The following APBB2 variants were observed in gnomAD, a reference collection of about 807,000 sequenced individuals.
The protein encoded by APBB2 is Fe65-like 1.
A neutral mutation model predicts 82.5 loss-of-function variants in APBB2; 38 were observed. The observed-to-expected ratio is 0.46, with a 90% CI of 0.36 to 0.60. The LOEUF is 0.60. Among genes scored for constraint, APBB2 ranks in the 20% least tolerant of loss-of-function variants. The pLI is 0.00. For synonymous variants in APBB2, 341 were observed against 368.2 expected (o/e 0.93, Z 0.85); for missense variants, 772 against 972.3 (o/e 0.79, Z 2.74).
At chr4:41,050,943 G>A (rs1725700289) in intron 4 of APBB2, among the ~76,000 whole-genome samples, 2 of 150,680 alleles carry the variant, frequency 1.3e-5, no homozygotes, top group Non-Finnish European at 2.9e-5. Flanking sequence ...CAGAAAGGCG[G>A]CAGCAGGAAG....
intron 6 of APBB2, among the ~76,000 whole-genome samples, chr4:40,962,250 G>A (rs528584992): frequency 9.9e-5 from 15 of 152,190 alleles, no homozygotes; most frequent in South Asian, 2.1e-4. Flanking sequence ...TTTTTTTAAC[G>A]CTTCTCAAAA....
At chr4:40,830,219 T>C (rs1275191103) in intron 13 of APBB2, among the ~76,000 whole-genome samples, 1 of 150,276 alleles carries the variant, frequency 6.7e-6, no homozygotes, top group East Asian at 2.0e-4. Context: ...CACATATATA[T>C]ATATATATGT....
chr4:41,078,894 T>C (rs75647829), intron 3 of APBB2, among the ~76,000 whole-genome samples: 3 of 152,304 alleles, frequency 2.0e-5, no homozygotes, highest in East Asian at 1.9e-4. Context: ...TCTCTCAACA[T>C]AGAAGCAAAA....
chr4:40,984,401 G>C (rs988450747), intron 6 of APBB2, among the ~76,000 whole-genome samples: 82 of 151,884 alleles, frequency 5.4e-4, no homozygotes, highest in African/African-American at 1.8e-3. Context: ...AACAGAAGTT[G>C]ATCATGGAAA....
chr4:41,067,424 A>AG lies in APBB2; in HGVS notation c.-148-1752_-148-1751insC, dbSNP rs1002672726. 9.2e-5 allele frequency among the ~76,000 whole-genome samples: 14 copies of AG among 152,218 alleles called. 1 individual carries two copies. In the Middle Eastern group the frequency reaches 0.01, roughly 111 times the overall value. The stretch of plus-strand genomic sequence containing the variant: ...GAAACTCCGTCTCAAAAAAAAAAAA[A>AG]AGAGAGAGAAATTGAAGCGTGGAAG... On this transcript the variant is annotated intron_variant, in intron 3 of 17. Coordinates refer to ENST00000508593, the MANE Select transcript of APBB2 (RefSeq NM_004307.2).
intron 12 of APBB2, chr4:40,857,005 T>A: frequency 2.0e-6 from 2 of 985,520 alleles, no homozygotes; most frequent in Non-Finnish European, 2.4e-6. Context: ...AGGAGAGCCG[T>A]TCCTTCGCCA....
intron 10 of APBB2, among the ~76,000 whole-genome samples, chr4:40,900,532 T>C (rs1464365458): frequency 1.3e-5 from 2 of 150,396 alleles, no homozygotes; most frequent in Non-Finnish European, 2.9e-5. Context: ...CTTGGCTCAC[T>C]GTAACCTCTG....
chr4:40,913,186 G>A (rs1014392875), intron 10 of APBB2, among the ~76,000 whole-genome samples: 1 of 152,150 alleles, frequency 6.6e-6, no homozygotes, highest in Admixed American at 6.5e-5. Context: ...GCAGTCAGCA[G>A]TCAGGCTGTA....
At chr4:41,000,151 C>T (rs1804822984) in intron 6 of APBB2, among the ~76,000 whole-genome samples, 1 of 150,514 alleles carries the variant, frequency 6.6e-6, no homozygotes, top group Non-Finnish European at 1.5e-5. Context: ...GTCACAGTTA[C>T]TCAGAAGGCT....
chr4:41,000,339 C>T (rs1023980290), intron 6 of APBB2, among the ~76,000 whole-genome samples: 1 of 152,070 alleles, frequency 6.6e-6, no homozygotes, highest in Admixed American at 6.6e-5. Flanking sequence ...CTTTCCTTCT[C>T]CTAGGAGAAA....
intron 1 of APBB2, among the ~76,000 whole-genome samples, chr4:41,199,775 T>C (rs948036326): frequency 2.0e-5 from 3 of 152,242 alleles, no homozygotes; most frequent in Admixed American, 1.3e-4. Flanking sequence ...TTTGAATTTA[T>C]CTTATTAATA....
rs753268836 is a variant in APBB2, at chr4:41,033,219, G to C, written c.19+17C>G. The C allele has an allele frequency of 2.1e-5, 32 of 1,523,040 alleles. No homozygotes were observed. The highest frequency in any genetic ancestry group is 1.1e-4 in the South Asian group (10 of 87,422). 94.3% of individuals were successfully genotyped at this position (1,523,040 alleles called of 1,614,324 possible). A position where few individuals can be genotyped will look rare whatever the true frequency, so the allele number is the denominator to read the frequency against. On this transcript the variant is annotated intron_variant, in intron 5 of 17. Coordinates refer to ENST00000508593, the MANE Select transcript of APBB2 (RefSeq NM_004307.2). The stretch of plus-strand genomic sequence containing the variant: ...CAACTGCTTCTCTGCATTGAAATAT[G>C]AGAAAATGTATCTGACCTGGAAGTA...
chr4:40,859,721 C>T (rs569708426), intron 12 of APBB2, among the ~76,000 whole-genome samples: 2 of 152,350 alleles, frequency 1.3e-5, no homozygotes, highest in Admixed American at 1.3e-4. Flanking sequence ...CTTTCAGGGT[C>T]TCACAGGCCG....
chr4:40,969,586 A>C (rs1795463894), intron 6 of APBB2, among the ~76,000 whole-genome samples: 1 of 152,230 alleles, frequency 6.6e-6, no homozygotes, highest in African/African-American at 2.4e-5. Flanking sequence ...GTAACATATA[A>C]TTATGAATTC....
chr4:41,011,589 C>A (rs1452781270), intron 6 of APBB2, among the ~76,000 whole-genome samples: 1 of 152,012 alleles, frequency 6.6e-6, no homozygotes, highest in Non-Finnish European at 1.5e-5. Flanking sequence ...CGCCACCATG[C>A]CTGGCTAATT....
In APBB2 at chr4:40,885,525, A is replaced by T. The variant is rs575775351; in HGVS notation, c.1529+4839T>A. On this transcript the variant is annotated intron_variant, in intron 12 of 17. Transcript: ENST00000508593. ...AGATACCCGATCTCGCAAGACTGTT[A>T]TTAAAAAGTCTCACTTTCACTGTTC... Among the ~76,000 whole-genome samples, 147 of 152,308 alleles carry T rather than the reference A, an allele frequency of 9.7e-4. 1 individual carries two copies. In the South Asian group the frequency reaches 0.018, roughly 19 times the overall value.
chr4:41,059,199 G>A (rs13124448), intron 4 of APBB2, among the ~76,000 whole-genome samples: 31,392 of 152,140 alleles, frequency 0.21, 3,421 homozygotes, highest in Non-Finnish European at 0.24. Flanking sequence ...GGTGGCTCAC[G>A]CCTATAATCC....
At chr4:40,905,082 A>G (rs1180245984) in intron 10 of APBB2, among the ~76,000 whole-genome samples, 1 of 152,210 alleles carries the variant, frequency 6.6e-6, no homozygotes, top group Non-Finnish European at 1.5e-5. Context: ...TTAACCTCTG[A>G]CAGGCCCTTC....
At chr4:40,904,591 G>C (rs28651103) in intron 10 of APBB2, among the ~76,000 whole-genome samples, 5,847 of 150,758 alleles carry the variant, frequency 0.039, 366 homozygotes, top group African/African-American at 0.13. Flanking sequence ...TAATAGAGAA[G>C]TTTTTAGTAA....
Sources: allele counts gnomAD v4.1 joint callset (sites outside exome capture counted in the v4.1 genomes callset), GRCh38; gene constraint gnomAD v4.1.1; transcripts MANE v1.5; gene names NCBI Gene and HGNC (gene_info 2026-07-23, HGNC 2026-07-21).